Variants in NUP37 observed in about 807,000 individuals in gnomAD.
NUP37 encodes the protein nucleoporin 37, also known as nucleoporin Nup37.
A neutral mutation model predicts 45.4 loss-of-function variants in NUP37; 33 were observed. The observed-to-expected ratio is 0.73, with a 90% CI of 0.55 to 0.97. NUP37 has a LOEUF of 0.97. Among genes scored for constraint, NUP37 ranks in the 50% least tolerant of loss-of-function variants. The pLI is 0.00. For missense variants in NUP37, 365 were observed against 389.7 expected (o/e 0.94, Z 0.53); for synonymous variants, 127 against 130.7 (o/e 0.97, Z 0.19).
intron 3 of NUP37, among the ~76,000 whole-genome samples, chr12:102,104,024 T>C (rs1300630395): frequency 6.6e-6 from 1 of 152,200 alleles, no homozygotes; most frequent in African/African-American, 2.4e-5. Flanking sequence ...CTATTTTTAA[T>C]TTTCTGAGGA....
At chr12:102,087,453 T>A (rs1269542464) in intron 5 of NUP37, among the ~76,000 whole-genome samples, 1 of 152,206 alleles carries the variant, frequency 6.6e-6, no homozygotes, top group Non-Finnish European at 1.5e-5. Flanking sequence ...AGCATACTGT[T>A]CTCTTGCCAA....
At chr12:102,099,627 C>T (rs796280139) in intron 4 of NUP37, among the ~76,000 whole-genome samples, 1 of 152,192 alleles carries the variant, frequency 6.6e-6, no homozygotes, top group Non-Finnish European at 1.5e-5. Flanking sequence ...CACTACTTAA[C>T]AAACACACAC....
intron 2 of NUP37, among the ~76,000 whole-genome samples, chr12:102,114,730 A>G (rs1028215511): frequency 2.6e-5 from 4 of 152,242 alleles, no homozygotes; most frequent in Non-Finnish European, 1.5e-5. Flanking sequence ...TTTCCCCCCA[A>G]TGCTTGAATC....
In NUP37 at chr12:102,120,102, C is replaced by G. The variant is rs530624822; in HGVS notation, c.-118G>C. The G allele has an allele frequency of 1.2e-5, 2 of 173,184 alleles. No individual in the cohort carries two copies. Among genetic ancestry groups the G allele is most frequent in the Non-Finnish European group, 2.5e-5 (2 of 79,094 alleles). 10.7% of individuals were successfully genotyped at this position (173,184 alleles called of 1,614,324 possible). A position where few individuals can be genotyped will look rare whatever the true frequency, so the allele number is the denominator to read the frequency against. ...CAGGCTGGTCTTCCTTGGGGGCTGC[C>G]GCGACGCGCTGTGGCTCTGCTTCCG... On this transcript the variant is annotated 5_prime_UTR_variant, in exon 1 of 10. Coordinates refer to ENST00000552283, the MANE Select transcript of NUP37 (RefSeq NM_024057.4).
chr12:102,085,146 A>G (rs568583615), intron 6 of NUP37, among the ~76,000 whole-genome samples: 1 of 152,308 alleles, frequency 6.6e-6, no homozygotes, highest in East Asian at 1.9e-4. Context: ...TGGGCCAGGC[A>G]TGGTGGTTCA....
chr12:102,089,171 T>A (rs1879565599), intron 5 of NUP37, among the ~76,000 whole-genome samples: 1 of 151,974 alleles, frequency 6.6e-6, no homozygotes, highest in Admixed American at 6.6e-5. Context: ...CCCCTTTTCT[T>A]TTCGACAAAA....
At chr12:102,089,564 G>A (rs376585055) in intron 5 of NUP37, among the ~76,000 whole-genome samples, 2 of 143,400 alleles carry the variant, frequency 1.4e-5, no homozygotes, top group African/African-American at 5.2e-5. Flanking sequence ...CTTCCTAGAC[G>A]GGGCAGCCGG....
chr12:102,078,361 A>G (rs1879240540), intron 6 of NUP37, among the ~76,000 whole-genome samples: 1 of 152,112 alleles, frequency 6.6e-6, no homozygotes, highest in Non-Finnish European at 1.5e-5. Flanking sequence ...ATTTGGTAGA[A>G]TTTTAAGTGA....
chr12:102,100,973 A>T, intron 4 of NUP37, 59 bp downstream of exon 4: 1 of 1,053,284 alleles, frequency 9.5e-7, no homozygotes, highest in Non-Finnish European at 1.4e-6. Context: ...CAATTAAAAA[A>T]GCAAAAAACA....
chr12:102,086,091 CTAAT>C (rs1199864543), intron 5 of NUP37, among the ~76,000 whole-genome samples: 11 of 152,218 alleles, frequency 7.2e-5, no homozygotes, highest in Middle Eastern at 3.4e-3. Flanking sequence ...CATTTTCCCT[CTAAT>C]TAATCTATCA....
chr12:102,080,628 T>A (rs1879305906), intron 6 of NUP37, among the ~76,000 whole-genome samples: 2 of 152,198 alleles, frequency 1.3e-5, no homozygotes, highest in East Asian at 1.9e-4. Flanking sequence ...ATCCCATTTT[T>A]CAGATGAGAT....
intron 8 of NUP37, 61 bp downstream of exon 8, chr12:102,076,736 C>T (rs1879179211): frequency 2.9e-6 from 4 of 1,366,684 alleles, no homozygotes; most frequent in Middle Eastern, 1.8e-4. Flanking sequence ...AAAAGTATCC[C>T]AGTGGTGGCA....
chr12:102,089,526 C>A (rs796423823), intron 5 of NUP37, among the ~76,000 whole-genome samples: 1 of 142,666 alleles, frequency 7.0e-6, no homozygotes, highest in African/African-American at 2.6e-5. Context: ...ACCTCCCAGA[C>A]GGGGCGGCCA....
chr12:102,087,863 G>A (rs1879516507), intron 5 of NUP37, among the ~76,000 whole-genome samples: 1 of 152,032 alleles, frequency 6.6e-6, no homozygotes, highest in African/African-American at 2.4e-5. Context: ...AGAAAATATG[G>A]ATAAAAATAT....
chr12:102,119,132 C>T (rs1880611901), intron 1 of NUP37: 1 of 152,240 alleles, frequency 6.6e-6, no homozygotes, highest in African/African-American at 2.4e-5. Flanking sequence ...AAAACAGCCT[C>T]CTGGCTTGAA....
intron 5 of NUP37, among the ~76,000 whole-genome samples, chr12:102,097,024 T>TGTTTCCATAATGCC (rs781725368): frequency 8.5e-5 from 13 of 152,194 alleles, no homozygotes; most frequent in Non-Finnish European, 1.9e-4. Context: ...TGGGAAGCTC[T>TGTTTCCATAATGCC]GTTTCCATAA....
At position 102,073,156 on chromosome 12, in the gene NUP37, C is replaced by A. The variant is rs1282197858; in HGVS notation, c.*1198G>T. 6.6e-6 allele frequency: 1 copy of A among 152,146 alleles called. No homozygotes were observed. Among genetic ancestry groups the A allele is most frequent in the East Asian group, 1.9e-4 (1 of 5,196 alleles). 9.4% of individuals were successfully genotyped at this position (152,146 alleles called of 1,614,324 possible). A position where few individuals can be genotyped will look rare whatever the true frequency, so the allele number is the denominator to read the frequency against. On this transcript the variant is annotated 3_prime_UTR_variant, in exon 10 of 10. Transcript: ENST00000552283. ...ACAGCAACTCCACAAAATAATGATT[C>A]CTATCTGTACTTTACAAGAGGAAAT...
At position 102,116,897 on chromosome 12, in the gene NUP37, G is replaced by A. The variant is rs138025111; in HGVS notation, c.156+1466C>T. On this transcript the variant is annotated intron_variant, in intron 2 of 9. Coordinates refer to ENST00000552283, the MANE Select transcript of NUP37 (RefSeq NM_024057.4). ...CGTGCCTGTAATTCGAGCTACTCAG[G>A]AGGCTGAGGCAGGATAATTGCTTGA... is the stretch of plus-strand genomic sequence containing the variant. 5.4e-4 allele frequency among the ~76,000 whole-genome samples: 82 copies of A among 152,308 alleles called. 1 individual carries two copies. In the East Asian group the frequency reaches 0.014, roughly 26 times the overall value.
intron 3 of NUP37, among the ~76,000 whole-genome samples, chr12:102,103,904 A>G (rs1208866101): frequency 5.3e-5 from 8 of 152,200 alleles, no homozygotes; most frequent in South Asian, 2.1e-4. Context: ...CACAGGTAAC[A>G]TCATTCTTAA....
Sources: allele counts gnomAD v4.1 joint callset (sites outside exome capture counted in the v4.1 genomes callset), GRCh38; gene constraint gnomAD v4.1.1; transcripts MANE v1.5; gene names NCBI Gene and HGNC (gene_info 2026-07-23, HGNC 2026-07-21).